Variants in MYO18B observed in about 807,000 individuals in gnomAD.
MYO18B encodes the protein unconventional myosin-XVIIIb.
MYO18B carries 204 observed loss-of-function variants against 273.0 expected under a neutral mutation model. That is an observed-to-expected ratio of 0.75 (90% CI 0.67 to 0.84). The LOEUF (loss-of-function observed/expected upper bound fraction) is 0.84. Ranked by LOEUF, MYO18B falls within the 40% of genes least tolerant of loss-of-function variation. MYO18B has a pLI of 0.00. For synonymous variants in MYO18B, 1,330 were observed against 1,305.7 expected (o/e 1.02, Z -0.40); for missense variants, 3,212 against 3,287.6 (o/e 0.98, Z 0.56).
At chr22:25,845,975 T>C in intron 18 of MYO18B, 125 bp from the exon 19 acceptor site, 1 of 804,486 alleles carries the variant, frequency 1.2e-6, no homozygotes, top group Non-Finnish European at 1.8e-6. Flanking sequence ...CACATGACTG[T>C]AGAGGAGGCT....
chr22:25,771,117 C>T, intron 6 of MYO18B, 133 bp downstream of exon 6: 2 of 689,980 alleles, frequency 2.9e-6, no homozygotes, highest in Non-Finnish European at 5.1e-6. Context: ...GCTTGATGCC[C>T]TGGAGGGAGT....
chr22:25,776,113 A>C (rs913559897), intron 7 of MYO18B, among the ~76,000 whole-genome samples: 2 of 152,222 alleles, frequency 1.3e-5, no homozygotes, highest in Non-Finnish European at 2.9e-5. Flanking sequence ...TTTACCTTAA[A>C]AAACCCATAT....
intron 34 of MYO18B, among the ~76,000 whole-genome samples, chr22:25,934,909 G>A (rs184847137): frequency 3.3e-5 from 5 of 150,532 alleles, no homozygotes; most frequent in East Asian, 3.9e-4. Flanking sequence ...TCGTGGTTCC[G>A]TCCCTCAGTG....
intron 40 of MYO18B, among the ~76,000 whole-genome samples, chr22:25,996,662 A>G (rs1933284494): frequency 1.3e-5 from 2 of 152,168 alleles, no homozygotes; most frequent in African/African-American, 2.4e-5. Context: ...CAGAGAACGT[A>G]GTGCTATGAT....
At chr22:25,742,571 G>A (rs1003158569) in intron 1 of MYO18B, among the ~76,000 whole-genome samples, 1 of 151,982 alleles carries the variant, frequency 6.6e-6, no homozygotes, top group African/African-American at 2.4e-5. Context: ...CCAGCTGTTC[G>A]CTAATAATTT....
At chr22:25,761,182 A>G in intron 2 of MYO18B, 51 bp downstream of exon 2, 1 of 1,602,286 alleles carries the variant, frequency 6.2e-7, no homozygotes, top group South Asian at 1.1e-5. Flanking sequence ...GACTGACTCG[A>G]CCCTCGGGAG....
intron 20 of MYO18B, among the ~76,000 whole-genome samples, chr22:25,851,106 C>T (rs940853476): frequency 5.3e-5 from 8 of 152,154 alleles, no homozygotes; most frequent in African/African-American, 7.2e-5. Flanking sequence ...TCTGGGCTAA[C>T]GTTGGGAAAC....
chr22:25,776,454 C>T (rs913645498), intron 7 of MYO18B, among the ~76,000 whole-genome samples: 25 of 152,134 alleles, frequency 1.6e-4, no homozygotes, highest in Non-Finnish European at 3.5e-4. Context: ...AAAAATTAGC[C>T]AGGCATGGTG....
chr22:25,874,228 C>G, intron 22 of MYO18B, 58 bp from the exon 23 acceptor site: 4 of 1,604,940 alleles, frequency 2.5e-6, no homozygotes, highest in Non-Finnish European at 3.4e-6. Flanking sequence ...CAAGCACCCC[C>G]CCATTGTAGA....
At chr22:25,817,217 TTTCTTTCG>T (rs1460073373) in intron 12 of MYO18B, among the ~76,000 whole-genome samples, 3 of 151,946 alleles carry the variant, frequency 2.0e-5, no homozygotes, top group Middle Eastern at 3.2e-3. Flanking sequence ...TCTTTCTTTC[TTTCTTTCG>T]TTCTTTCTCT....
intron 37 of MYO18B, 85 bp from the exon 38 acceptor site, chr22:25,952,201 C>A: frequency 2.7e-6 from 4 of 1,494,370 alleles, no homozygotes; most frequent in Middle Eastern, 4.8e-4. Flanking sequence ...TAGCTCCTCC[C>A]ACCCTCCCAG....
chr22:25,957,808 C>T (rs561785177), intron 39 of MYO18B, among the ~76,000 whole-genome samples: 22 of 151,948 alleles, frequency 1.4e-4, no homozygotes, highest in Middle Eastern at 6.9e-3. Flanking sequence ...ATCCCTCTGC[C>T]TTTTTCTTAT....
At chr22:25,743,567 G>GA (rs1237621421) in intron 1 of MYO18B, among the ~76,000 whole-genome samples, 1 of 151,870 alleles carries the variant, frequency 6.6e-6, no homozygotes, top group Admixed American at 6.6e-5. Context: ...AATAGCAAAG[G>GA]AAAAGGCCAA....
In MYO18B at chr22:25,770,034, G is replaced by A. The variant is rs750992630; in HGVS notation, c.1513-76G>A. 5.4e-6 allele frequency: 8 copies of A among 1,476,908 alleles called. No individual in the cohort carries two copies. In the South Asian group the frequency reaches 8.0e-5, roughly 15 times the overall value. 91.5% of individuals were successfully genotyped at this position (1,476,908 alleles called of 1,614,324 possible). On this transcript the variant is annotated intron_variant, in intron 4 of 43. Transcript: ENST00000335473. ...TTTAGATGGCTCCAGAGCACACTGT[G>A]AGAAACCCCCGTGTAAGGTAGAAGA...
chr22:25,771,197 C>T (rs1482820022), intron 6 of MYO18B, among the ~76,000 whole-genome samples: 6 of 152,202 alleles, frequency 3.9e-5, no homozygotes, highest in Admixed American at 1.3e-4. Context: ...TTCACCCTTT[C>T]CTGTGGTTTC....
intron 12 of MYO18B, among the ~76,000 whole-genome samples, chr22:25,812,125 C>T (rs1197681526): frequency 6.6e-6 from 1 of 152,162 alleles, no homozygotes; most frequent in African/African-American, 2.4e-5. Context: ...ATTGGGGGTC[C>T]AAGGAAGGCT....
chr22:25,950,007 C>T (rs1368633944), intron 36 of MYO18B, among the ~76,000 whole-genome samples: 3 of 152,176 alleles, frequency 2.0e-5, no homozygotes, highest in Non-Finnish European at 2.9e-5. Flanking sequence ...CTTGCTAAGG[C>T]CAGGGTCCAG....
rs56047312 is a variant in MYO18B at position 25,792,492 on chromosome 22, C to CTTT, written c.2377-5459_2377-5457dup. Among the ~76,000 whole-genome samples the CTTT allele has an allele frequency of 4.0e-4, 13 of 32,388 alleles. 1 individual carries two copies. Among genetic ancestry groups the CTTT allele is most frequent in the Non-Finnish European group, 4.1e-4 (7 of 17,092 alleles). 21.2% of individuals were successfully genotyped at this position (32,388 alleles called of 152,430 possible). A position where few individuals can be genotyped will look rare whatever the true frequency, so the allele number is the denominator to read the frequency against. On this transcript the variant is annotated intron_variant, in intron 11 of 43. Transcript: ENST00000335473. ...CCTATGTGATGTTTCTTTTTTTTTT[C>CTTT]TTTTCTTTTTTTTTTTTTTTTGAGA...
chr22:25,864,563 C>T (rs1270908435), intron 21 of MYO18B, among the ~76,000 whole-genome samples: 1 of 152,138 alleles, frequency 6.6e-6, no homozygotes, highest in Non-Finnish European at 1.5e-5. Context: ...GGAACTGATC[C>T]CAGCGTTGGA....
Sources: allele counts gnomAD v4.1 joint callset (sites outside exome capture counted in the v4.1 genomes callset), GRCh38; gene constraint gnomAD v4.1.1; transcripts MANE v1.5; gene names NCBI Gene and HGNC (gene_info 2026-07-23, HGNC 2026-07-21).